The following GTF3C1 variants were observed in gnomAD, a reference collection of about 807,000 sequenced individuals.
The protein encoded by GTF3C1 is general transcription factor 3C polypeptide 1.
In GTF3C1, 57 loss-of-function variants were observed where a neutral mutation model predicts 226.7. The observed-to-expected ratio is 0.25, with a 90% CI of 0.20 to 0.31. GTF3C1 has a LOEUF of 0.31. Among genes scored for constraint, GTF3C1 ranks in the 10% least tolerant of loss-of-function variants. The probability of loss-of-function intolerance (pLI) is 1.00; values close to 1 mark genes in which losing one functional copy is unlikely to be tolerated. For missense variants in GTF3C1, 2,217 were observed against 2,776.1 expected (o/e 0.80, Z 4.53); for synonymous variants, 1,090 against 1,084.8 (o/e 1.00, Z -0.09).
chr16:27,487,802 A>C (rs1486287597), intron 23 of GTF3C1, among the ~76,000 whole-genome samples: 2 of 152,210 alleles, frequency 1.3e-5, no homozygotes, highest in African/African-American at 4.8e-5. Context: ...CAAAAAAATA[A>C]AAATTAAAAA....
intron 6 of GTF3C1, among the ~76,000 whole-genome samples, chr16:27,523,559 C>T (rs1376193331): frequency 6.6e-6 from 1 of 152,134 alleles, no homozygotes; most frequent in Non-Finnish European, 1.5e-5. Flanking sequence ...GCCTTCATCC[C>T]TTGCCTCCTG....
chr16:27,517,311 T>A (rs935829813), intron 6 of GTF3C1, among the ~76,000 whole-genome samples: 1 of 152,196 alleles, frequency 6.6e-6, no homozygotes, highest in Admixed American at 6.5e-5. Flanking sequence ...CCTATTTGCC[T>A]TTTTGAAGGT....
chr16:27,506,816 G>T, intron 9 of GTF3C1, 31 bp downstream of exon 9: 2 of 1,533,088 alleles, frequency 1.3e-6, no homozygotes, highest in Non-Finnish European at 8.9e-7. Flanking sequence ...TGCAGTGCAC[G>T]CAGCCCCTGC....
chr16:27,512,539 CA>C (rs1293727364), intron 6 of GTF3C1, among the ~76,000 whole-genome samples: 1 of 152,076 alleles, frequency 6.6e-6, no homozygotes. Flanking sequence ...ATGCATACTA[CA>C]AAAAAACCAG....
chr16:27,547,608 C>A (rs1329377790), intron 1 of GTF3C1, among the ~76,000 whole-genome samples: 1 of 152,140 alleles, frequency 6.6e-6, no homozygotes, highest in Non-Finnish European at 1.5e-5. Context: ...CTCAACTTCA[C>A]TCTTTGCCCC....
At chr16:27,501,158 C>A in intron 12 of GTF3C1, 33 bp downstream of exon 12, 1 of 1,585,664 alleles carries the variant, frequency 6.3e-7, no homozygotes, top group Non-Finnish European at 8.6e-7. Flanking sequence ...CAGCACGAGG[C>A]TGGCTCTGGG....
chr16:27,516,826 T>G (rs2088666422), intron 6 of GTF3C1, among the ~76,000 whole-genome samples: 1 of 152,080 alleles, frequency 6.6e-6, no homozygotes, highest in African/African-American at 2.4e-5. Flanking sequence ...AGAGACGGGA[T>G]CTTGCTATGT....
At chr16:27,495,809 A>G (rs2088307255) in intron 14 of GTF3C1, among the ~76,000 whole-genome samples, 2 of 152,228 alleles carry the variant, frequency 1.3e-5, no homozygotes. Flanking sequence ...CTGGCAGTGC[A>G]GAACCCTTGG....
chr16:27,513,486 T>G (rs1381000258), intron 6 of GTF3C1, among the ~76,000 whole-genome samples: 1 of 151,632 alleles, frequency 6.6e-6, no homozygotes, highest in Non-Finnish European at 1.5e-5. Context: ...CAACAAAAAG[T>G]CGTTAAAAGA....
intron 32 of GTF3C1, among the ~76,000 whole-genome samples, chr16:27,467,304 G>C (rs8056549): frequency 0.01 from 1,590 of 152,254 alleles, 46 homozygotes; most frequent in African/African-American, 0.036. Context: ...TATTCTGCCT[G>C]TGCTCTATAA....
intron 6 of GTF3C1, among the ~76,000 whole-genome samples, chr16:27,525,086 G>A (rs1445497571): frequency 6.6e-6 from 1 of 152,114 alleles, no homozygotes; most frequent in African/African-American, 2.4e-5. Context: ...GGGAGGCAGA[G>A]GCTGCAGTGA....
At chr16:27,526,280 G>A (rs1316585187) in intron 6 of GTF3C1, among the ~76,000 whole-genome samples, 1 of 152,082 alleles carries the variant, frequency 6.6e-6, no homozygotes, top group Non-Finnish European at 1.5e-5. Context: ...CACATCAAAC[G>A]ACAGACTAAA....
intron 2 of GTF3C1, among the ~76,000 whole-genome samples, chr16:27,543,954 C>G (rs2089126137): frequency 6.6e-6 from 1 of 152,034 alleles, no homozygotes; most frequent in Non-Finnish European, 1.5e-5. Flanking sequence ...GAGGGAGAAA[C>G]AGTGAATGGG....
rs750548965 is a variant in GTF3C1 at position 27,494,889 on chromosome 16, C to T, written c.2652G>A (p.Ser884=). The change falls in exon 16 of 37, where the codon TCG becomes TCA. Residue 884 remains serine, a synonymous_variant. Transcript: ENST00000356183. The stretch of plus-strand genomic sequence containing the variant: ...GGATTGGGGGGATGTAGCGCATCCA[C>T]GAGGCATCGTCGACATACACTAGGA... ...ATETVYVDDA[S]WMRYIPPIPV... The T allele has an allele frequency of 3.0e-5, 49 of 1,613,654 alleles. No individual in the cohort carries two copies. The East Asian group carries it at 4.7e-4, about 15-fold the overall frequency.
intron 27 of GTF3C1, among the ~76,000 whole-genome samples, chr16:27,479,646 T>G (rs2088008604): frequency 6.6e-6 from 1 of 152,122 alleles, no homozygotes; most frequent in Admixed American, 6.6e-5. Flanking sequence ...TTTTTGTATT[T>G]TTAGAAGAGA....
chr16:27,464,657 G>T lies in GTF3C1; in HGVS notation c.5535C>A (p.Ser1845Arg). The T allele has an allele frequency of 6.5e-7, 1 of 1,536,514 alleles. No homozygotes were observed. Among genetic ancestry groups the T allele is most frequent in the Non-Finnish European group, 8.7e-7 (1 of 1,147,394 alleles). Residue 1845 changes from serine (S) to arginine (R), a missense_variant, in exon 34 of 37, where the codon AGC (serine) becomes AGA (arginine). By Grantham distance (110) the Ser-to-Arg change is moderately radical. Transcript: ENST00000356183. ...AAGGAGGTGCCTGCCCCTCGGGGGG[G>T]CTGTCCTCACTGGAAGACCCCTCCA... ...RPLEGSSSED[S>R]PPEGQAPPSH...
chr16:27,525,026 C>T (rs1012324355), intron 6 of GTF3C1, among the ~76,000 whole-genome samples: 7 of 152,044 alleles, frequency 4.6e-5, no homozygotes, highest in African/African-American at 1.4e-4. Context: ...TGGTGGCGCA[C>T]GCCTGTAATC....
At chr16:27,531,723 T>C (rs2088919921) in intron 5 of GTF3C1, among the ~76,000 whole-genome samples, 1 of 152,236 alleles carries the variant, frequency 6.6e-6, no homozygotes, top group South Asian at 2.1e-4. Flanking sequence ...AGACTAGCCC[T>C]GTCTCCCTGC....
intron 2 of GTF3C1, among the ~76,000 whole-genome samples, chr16:27,541,771 G>T (rs961676188): frequency 6.6e-6 from 1 of 152,160 alleles, no homozygotes; most frequent in East Asian, 1.9e-4. Context: ...AAGAAACTGA[G>T]GTCGGAGCAC....
Sources: gnomAD v4.1 joint callset for allele counts (sites outside exome capture counted in the v4.1 genomes callset) on GRCh38, gnomAD v4.1.1 for gene constraint, MANE v1.5 for transcripts, NCBI Gene and HGNC (gene_info 2026-07-23, HGNC 2026-07-21) for gene names.